RYR1: variants seen among roughly 807,000 people sequenced by gnomAD.
RYR1 encodes the protein ryanodine receptor 1.
In RYR1, 342 loss-of-function variants were observed where a neutral mutation model predicts 583.5. The ratio of observed to expected loss-of-function variants is 0.59; its 90% confidence interval spans 0.54 to 0.64. The LOEUF (loss-of-function observed/expected upper bound fraction) is 0.64, where lower values mean the gene tolerates loss of function less well. Ranked by LOEUF, RYR1 falls within the 30% of genes least tolerant of loss-of-function variation. RYR1 has a pLI of 0.00. For missense variants in RYR1, 6,032 were observed against 6,917.2 expected, an observed-to-expected ratio of 0.87 and a Z score of 4.54; for synonymous variants, 2,791 against 2,822.5, an observed-to-expected ratio of 0.99 and a Z score of 0.35.
In RYR1 at chr19:38,535,138, C is replaced by T. The variant is rs761893981; in HGVS notation, c.11360-3C>T. The T allele has an allele frequency of 1.2e-6, 2 of 1,613,468 alleles. No individual in the cohort carries two copies. The highest frequency in any genetic ancestry group is 3.3e-5 in the Admixed American group (2 of 59,998). On this transcript the variant is annotated splice_region_variant and splice_polypyrimidine_tract_variant and intron_variant, in intron 79 of 105. Transcript: ENST00000359596. ...ACCATCTTTTTTCTCCCACTCCCTC[C>T]AGGAGAGACAGGTGCCATGGTGTCC...
intron 2 of RYR1, among the ~76,000 whole-genome samples, chr19:38,441,740 G>A (rs1333244771): frequency 6.6e-6 from 1 of 151,772 alleles, no homozygotes; most frequent in Non-Finnish European, 1.5e-5. Context: ...AATCTGATGG[G>A]GGGGAAGTTT....
chr19:38,441,217 C>A (rs1158016293), intron 2 of RYR1, among the ~76,000 whole-genome samples: 1 of 48,642 alleles, frequency 2.1e-5, no homozygotes, highest in Non-Finnish European at 3.7e-5. Flanking sequence ...GGTTGGGGAA[C>A]GGGTCTCAGG....
chr19:38,586,668 A>G (rs1974505202), intron 105 of RYR1, 92 bp downstream of exon 105: 2 of 1,253,300 alleles, frequency 1.6e-6, no homozygotes, highest in Non-Finnish European at 2.3e-6. Context: ...GCTCCTATCA[A>G]TATCAAGGGT....
rs767931713 is a variant in RYR1 at position 38,546,428 on chromosome 19, C to T, written c.12013-17C>T. 5.0e-6 allele frequency: 8 copies of T among 1,608,950 alleles called. No individual in the cohort carries two copies. The highest frequency in any genetic ancestry group is 3.3e-5 in the South Asian group (3 of 90,960). ...GGTGTATGCTGAGACCAGCCCTCAC[C>T]GAGCTGGGATCTCTAGGACTCAAGC... On this transcript the variant is annotated splice_polypyrimidine_tract_variant and intron_variant, in intron 87 of 105. Coordinates refer to ENST00000359596, the MANE Select transcript of RYR1 (RefSeq NM_000540.3).
rs564366413 is a variant in RYR1, at chr19:38,523,972, T to C, written c.10455+43T>C. 1.9e-5 allele frequency: 31 copies of C among 1,612,296 alleles called. 1 individual carries two copies. The South Asian group carries it at 3.3e-4, about 17-fold the overall frequency. ...GACCTTCCGCATGTCTCTTGGCTAA[T>C]GCCCTCTTCCCCCAGCCTCTGCACG... On this transcript the variant is annotated intron_variant, in intron 70 of 105. Transcript: ENST00000359596.
rs759055097 is a variant in RYR1 at position 38,500,875 on chromosome 19, C to A, written c.7499C>A (p.Ala2500Glu). Residue 2500 changes from alanine (A) to glutamate (E), a missense_variant, in exon 47 of 106, where the codon GCG (alanine) becomes GAG (glutamate). Ala to Glu is a moderately radical substitution (Grantham distance 107). Coordinates refer to ENST00000359596, the MANE Select transcript of RYR1 (RefSeq NM_000540.3). The surrounding 1 kb of genome is among the most constrained non-coding windows in gnomAD (Gnocchi z 5.9). ...MSASFVPDHK[A>E]SMVLFLDRVY... is the part of the protein sequence containing the mutation. Reference sequence around the variant, plus strand: ...GCATCCTTCGTGCCGGACCACAAGGCGTCCATGGTGCTCTTCCTGGACCGT... The same window carrying A: ...GCATCCTTCGTGCCGGACCACAAGGAGTCCATGGTGCTCTTCCTGGACCGT... 6.2e-7 allele frequency: 1 copy of A among 1,614,098 alleles called. No homozygotes were observed. The highest frequency in any genetic ancestry group is 1.1e-5 in the South Asian group (1 of 91,086).
At position 38,517,547 on chromosome 19, in the gene RYR1, C is replaced by T. The variant is rs144135230; in HGVS notation, c.9874C>T (p.Pro3292Ser). ...ATGGTGGGAGCGCGGGCCCGAGGCA[C>T]CCCCTTCCGCCCTGCCCGCCGGCGC... ...PRWWERGPEA[P>S]PSALPAGAPP... is the part of the protein sequence containing the mutation. Residue 3292 changes from proline (P) to serine (S), a missense_variant, in exon 66 of 106, where the codon CCC becomes TCC. Transcript: ENST00000359596. The T allele has an allele frequency of 8.9e-5, 144 of 1,613,666 alleles. No homozygotes were observed. The highest frequency in any genetic ancestry group is 1.6e-4 in the Middle Eastern group (1 of 6,084).
rs1973327407 is a variant in RYR1 at position 38,565,076 on chromosome 19, G to A, written c.12742G>A (p.Ala4248Thr). 4 of 1,559,046 alleles carry A rather than the reference G, an allele frequency of 2.6e-6. No homozygotes were observed. The highest frequency in any genetic ancestry group is 1.9e-5 in the Admixed American group (1 of 52,258). Residue 4248 changes from alanine (A) to threonine (T), a missense_variant, in exon 91 of 106, where the codon GCG becomes ACG. Transcript: ENST00000359596. The surrounding 1 kb of genome is among the most constrained non-coding windows in gnomAD (Gnocchi z 4.7). ...CACCATCTTCGAGATGCAGATCGCCGCGCAGATCTCGGAGCCCGAGGGCGA... is the reference window on the plus strand; with the variant it reads ...CACCATCTTCGAGATGCAGATCGCCACGCAGATCTCGGAGCCCGAGGGCGA... ...EDTIFEMQIAAQISEPEGEPE... is the reference protein window; with the variant it reads ...EDTIFEMQIATQISEPEGEPE...
At chr19:38,503,374 GTCTC>G (rs1260883400) in intron 49 of RYR1, among the ~76,000 whole-genome samples, 2 of 152,042 alleles carry the variant, frequency 1.3e-5, no homozygotes, top group African/African-American at 4.8e-5. Flanking sequence ...TTTGCACACT[GTCTC>G]TCTTATTTTT....
At chr19:38,505,978 C>T (rs754565765) in intron 54 of RYR1, 32 bp downstream of exon 54, 1 of 1,584,388 alleles carries the variant, frequency 6.3e-7, no homozygotes, top group East Asian at 2.3e-5. Flanking sequence ...AGGGCAGGGG[C>T]ACGATGGGGG....
At chr19:38,502,376 A>C in intron 47 of RYR1, 131 bp from the exon 48 acceptor site, 4 of 804,490 alleles carry the variant, frequency 5.0e-6, no homozygotes, top group Non-Finnish European at 8.2e-6. Flanking sequence ...GGAGGGTGGT[A>C]GAGATTGGGA....
At chr19:38,464,504 G>A in intron 22 of RYR1, 135 bp from the exon 23 acceptor site, 1 of 684,464 alleles carries the variant, frequency 1.5e-6, no homozygotes, top group Non-Finnish European at 2.6e-6. Context: ...CCAGGATCAA[G>A]AGAGACAGGG....
intron 22 of RYR1, 119 bp downstream of exon 22, chr19:38,463,969 T>C (rs1967939650): frequency 2.5e-6 from 2 of 807,796 alleles, no homozygotes; most frequent in African/African-American, 1.7e-5. Context: ...GGGACAGGGA[T>C]TGTGAGACAT....
intron 75 of RYR1, 89 bp downstream of exon 75, chr19:38,528,784 C>T (rs1404003343): frequency 6.8e-7 from 1 of 1,471,598 alleles, no homozygotes; most frequent in South Asian, 1.1e-5. Flanking sequence ...GGGGTCGGCC[C>T]TCCACATCAA....
Position 38,448,370 on chromosome 19 carries a change from C to T in RYR1, c.816C>T (p.His272=), listed in dbSNP as rs1272883411. The part of the protein sequence containing the change: ...EPLRISWSGS[H]LRWGQPLRVR... ...CCCTCCACAGCTGGAGTGGGAGCCA[C>T]CTGCGCTGGGGCCAGCCACTCCGAG... The change falls in exon 10 of 106, where the codon CAC becomes CAT. Residue 272 remains histidine (H), a synonymous_variant. Transcript: ENST00000359596. 1.9e-6 allele frequency: 3 copies of T among 1,609,746 alleles called. No individual in the cohort carries two copies. The highest frequency in any genetic ancestry group is 1.3e-5 in the African/African-American group (1 of 74,936).
In RYR1 at chr19:38,455,380, C is replaced by T; in HGVS notation, c.1576+10C>T. The T allele has an allele frequency of 6.2e-7, 1 of 1,614,016 alleles. No individual in the cohort carries two copies. Among genetic ancestry groups the T allele is most frequent in the Non-Finnish European group, 8.5e-7 (1 of 1,179,994 alleles). ...CTCTATGAACTCCTAGGTAGGGGTC[C>T]CAGTCCTGACTCCCCTGAGAACACC... On this transcript the variant is annotated intron_variant, in intron 14 of 105. Transcript: ENST00000359596.
At chr19:38,503,262 T>C (rs1210351686) in intron 49 of RYR1, among the ~76,000 whole-genome samples, 1 of 152,198 alleles carries the variant, frequency 6.6e-6, no homozygotes, top group Admixed American at 6.5e-5. Context: ...GCACACCACT[T>C]TCCCTAATTA....
Position 38,459,211 on chromosome 19 carries a change from T to A in RYR1, c.2233T>A (p.Cys745Ser). 6.2e-7 allele frequency: 1 copy of A among 1,614,198 alleles called. No homozygotes were observed. Residue 745 changes from cysteine to serine, a missense_variant, in exon 19 of 106, where the codon TGC becomes AGC. Coordinates refer to ENST00000359596, the MANE Select transcript of RYR1 (RefSeq NM_000540.3). Reference protein sequence around the residue: ...HLLAPEDVISCCLDLSVPSIS... With the variant: ...HLLAPEDVISSCLDLSVPSIS... ...CCTGGCCCCTGAAGACGTGATCAGC[T>A]GCTGCCTGGACCTCAGCGTGCCGTC...
At chr19:38,505,214 C>T in intron 52 of RYR1, 95 bp from the exon 53 acceptor site, 1 of 1,147,934 alleles carries the variant, frequency 8.7e-7, no homozygotes, top group Non-Finnish European at 1.3e-6. Flanking sequence ...TGTTCTGGGA[C>T]CCCCCCAGGA....
Sources: allele counts gnomAD v4.1 joint callset (sites outside exome capture counted in the v4.1 genomes callset), GRCh38; gene constraint gnomAD v4.1.1; non-coding constraint Gnocchi (gnomAD v3.1); transcripts MANE v1.5; gene names NCBI Gene and HGNC (gene_info 2026-07-23, HGNC 2026-07-21).